Variants in MTUS2 observed in about 807,000 individuals in gnomAD.
The protein encoded by MTUS2 is microtubule associated scaffold protein 2.
A neutral mutation model predicts 114.1 loss-of-function variants in MTUS2; 40 were observed. That is an observed-to-expected ratio of 0.35 (90% confidence interval 0.27 to 0.46). The LOEUF (loss-of-function observed/expected upper bound fraction) is 0.46, where lower values mean the gene tolerates loss of function less well. Ranked by LOEUF, MTUS2 falls within the 20% of genes least tolerant of loss-of-function variation. The pLI, the probability that MTUS2 is intolerant of heterozygous loss-of-function variation, is 1.00. For missense variants in MTUS2, 1,679 were observed against 1,705.4 expected, an observed-to-expected ratio of 0.98 and a Z score of 0.27; for synonymous variants, 688 against 672.0, an observed-to-expected ratio of 1.02 and a Z score of -0.37.
chr13:29,450,582 A>T (rs1348411884), intron 9 of MTUS2, among the ~76,000 whole-genome samples: 2 of 152,210 alleles, frequency 1.3e-5, no homozygotes, highest in African/African-American at 4.8e-5. Flanking sequence ...AAAAGAATGT[A>T]CGTTTTCTGA....
At chr13:29,382,809 A>G (rs1331545407) in intron 8 of MTUS2, among the ~76,000 whole-genome samples, 1 of 152,194 alleles carries the variant, frequency 6.6e-6, no homozygotes, top group Non-Finnish European at 1.5e-5. Flanking sequence ...ACATGACACA[A>G]TGGGAAGATT....
rs1260030763 is a variant in MTUS2, at chr13:29,107,232, G to GT, written c.2644+6267dup. Among the ~76,000 whole-genome samples the GT allele has an allele frequency of 5.9e-5, 9 of 152,072 alleles. No individual in the cohort carries two copies. In the East Asian group the frequency reaches 1.7e-3, roughly 29 times the overall value. ...TACCTACTAGTTCTTGTAGTTATTT[G>GT]TTTTTATGTCCTCTCTCCCCTACAG... On this transcript the variant is annotated intron_variant, in intron 5 of 15. Transcript: ENST00000612955.
chr13:29,198,633 G>A (rs965178760), intron 5 of MTUS2, among the ~76,000 whole-genome samples: 2 of 152,126 alleles, frequency 1.3e-5, no homozygotes, highest in African/African-American at 4.8e-5. Context: ...GGTGGGGATA[G>A]CATTGAATCT....
intron 8 of MTUS2, among the ~76,000 whole-genome samples, chr13:29,414,599 G>T (rs1875531469): frequency 6.6e-6 from 1 of 151,590 alleles, no homozygotes; most frequent in Non-Finnish European, 1.5e-5. Context: ...TCTCTGATGG[G>T]CTCAATTTTG....
At chr13:28,980,371 T>C (rs1025864313) in intron 2 of MTUS2, among the ~76,000 whole-genome samples, 2 of 152,200 alleles carry the variant, frequency 1.3e-5, no homozygotes, top group Admixed American at 1.3e-4. Context: ...CCTGTTTTCG[T>C]TTGCCTCATC....
chr13:28,919,931 C>T (rs140294322), intron 2 of MTUS2, among the ~76,000 whole-genome samples: 5 of 152,248 alleles, frequency 3.3e-5, no homozygotes, highest in South Asian at 2.1e-4. Flanking sequence ...TAATTTCAAT[C>T]TCTTGGTCAA....
intron 8 of MTUS2, among the ~76,000 whole-genome samples, chr13:29,369,650 T>C (rs1016502896): frequency 6.6e-6 from 1 of 152,206 alleles, no homozygotes. Context: ...ACAGTAAAAG[T>C]GTATACCTGT....
chr13:29,029,849 C>CA (rs1886735350), intron 3 of MTUS2, among the ~76,000 whole-genome samples: 2 of 152,272 alleles, frequency 1.3e-5, no homozygotes, highest in African/African-American at 4.8e-5. Context: ...TGCTCATTAC[C>CA]AAAAGGAGGG....
At chr13:29,169,872 A>G (rs1471691734) in intron 5 of MTUS2, among the ~76,000 whole-genome samples, 1 of 152,144 alleles carries the variant, frequency 6.6e-6, no homozygotes, top group South Asian at 2.1e-4. Context: ...AGGATTTGAC[A>G]TTTTGCATCT....
At chr13:29,386,926 C>G (rs968940134) in intron 8 of MTUS2, among the ~76,000 whole-genome samples, 1 of 152,152 alleles carries the variant, frequency 6.6e-6, no homozygotes, top group Non-Finnish European at 1.5e-5. Flanking sequence ...GGCAATTCCT[C>G]CAGCCTCGCT....
Position 29,319,119 on chromosome 13 carries a change from C to T in MTUS2, c.2807-5494C>T, listed in dbSNP as rs573061682. Among the ~76,000 whole-genome samples the T allele has an allele frequency of 1.2e-4, 19 of 152,276 alleles. No homozygotes were observed. The South Asian group carries it at 3.9e-3, about 32-fold the overall frequency. On this transcript the variant is annotated intron_variant, in intron 6 of 15. Transcript: ENST00000612955. ...GGAGCCTTCTTGACCAACATACGGC[C>T]CCATGAGAGAAGAGCCTGTGCATTT...
At chr13:29,376,057 G>A (rs940955154) in intron 8 of MTUS2, among the ~76,000 whole-genome samples, 8 of 151,106 alleles carry the variant, frequency 5.3e-5, no homozygotes, top group African/African-American at 2.0e-4. Flanking sequence ...GTGTGTGTGT[G>A]TGTATATATA....
intron 6 of MTUS2, among the ~76,000 whole-genome samples, chr13:29,284,058 G>A (rs966061295): frequency 5.3e-5 from 8 of 152,290 alleles, no homozygotes; most frequent in Non-Finnish European, 1.0e-4. Context: ...GTCTCACACC[G>A]AGGAGTCTTT....
Position 29,026,318 on chromosome 13 carries a change from A to C in MTUS2, c.1620A>C (p.Thr540=). 1 of 1,614,000 alleles carries C rather than the reference A, an allele frequency of 6.2e-7. No individual in the cohort carries two copies. The highest frequency in any genetic ancestry group is 1.3e-5 in the African/African-American group (1 of 75,044). Residue 540 remains threonine (T), a synonymous_variant, in exon 3 of 16, where the codon ACA becomes ACC. Coordinates refer to ENST00000612955, the MANE Select transcript of MTUS2 (RefSeq NM_001033602.4). ...TTCCAGCACCCCTCCACCCAGAGAC[A>C]ACTGTGAACATGACCTACCAGCCTA... The part of the protein sequence containing the change: ...LNIPAPLHPE[T]TVNMTYQPTT...
intron 5 of MTUS2, among the ~76,000 whole-genome samples, chr13:29,227,669 T>A (rs1896164819): frequency 6.6e-6 from 1 of 152,118 alleles, no homozygotes; most frequent in South Asian, 2.1e-4. Flanking sequence ...GCTATCTCTC[T>A]AACCTCTGAG....
At chr13:29,136,448 C>A (rs573802973) in intron 5 of MTUS2, among the ~76,000 whole-genome samples, 6 of 152,212 alleles carry the variant, frequency 3.9e-5, no homozygotes, top group Non-Finnish European at 7.4e-5. Flanking sequence ...TCTGGTCACC[C>A]GAATGACCAA....
intron 2 of MTUS2, among the ~76,000 whole-genome samples, chr13:28,945,033 C>T (rs961087966): frequency 2.6e-5 from 4 of 152,102 alleles, no homozygotes; most frequent in Admixed American, 2.6e-4. Flanking sequence ...TGTGTCCATG[C>T]ATACACATTA....
At chr13:29,488,126 G>A (rs1881769300) in intron 11 of MTUS2, 121 bp downstream of exon 11, 1 of 751,838 alleles carries the variant, frequency 1.3e-6, no homozygotes, top group Non-Finnish European at 2.2e-6. Context: ...TTCCCTCCTG[G>A]TGCATTTTTT....
chr13:28,821,712 C>T (rs1461690520), intron 1 of MTUS2, among the ~76,000 whole-genome samples: 1 of 152,210 alleles, frequency 6.6e-6, no homozygotes, highest in Non-Finnish European at 1.5e-5. Context: ...TAACGTGTAG[C>T]CAGGGGTGAG....
Sources: allele counts gnomAD v4.1 joint callset (sites outside exome capture counted in the v4.1 genomes callset), GRCh38; gene constraint gnomAD v4.1.1; transcripts MANE v1.5; gene names NCBI Gene and HGNC (gene_info 2026-07-23, HGNC 2026-07-21).